GRIK3: variants seen among roughly 807,000 people sequenced by gnomAD.
The protein encoded by GRIK3 is glutamate ionotropic receptor kainate type subunit 3, also known as glutamate receptor ionotropic, kainate 3.
GRIK3 carries 29 observed loss-of-function variants against 102.5 expected under a neutral mutation model. The observed-to-expected ratio is 0.28, with a 90% CI of 0.21 to 0.39. GRIK3 has a LOEUF of 0.39. Ranked by LOEUF, GRIK3 falls within the 10% of genes least tolerant of loss-of-function variation. GRIK3 has a pLI of 1.00. For synonymous variants in GRIK3, 511 were observed against 504.9 expected (o/e 1.01, Z -0.16); for missense variants, 908 against 1,252.4 (o/e 0.73, Z 4.15).
chr1:36,953,160 GACA>G (rs1468861723), intron 1 of GRIK3, among the ~76,000 whole-genome samples: 1 of 152,148 alleles, frequency 6.6e-6, no homozygotes, highest in African/African-American at 2.4e-5. Flanking sequence ...TAGCACTGAG[GACA>G]ACGTGTGGAC....
chr1:36,903,461 T>G (rs1441550202), intron 1 of GRIK3, among the ~76,000 whole-genome samples: 1 of 152,246 alleles, frequency 6.6e-6, no homozygotes, highest in Non-Finnish European at 1.5e-5. Flanking sequence ...GCAATGGCAC[T>G]CCTTCGTATT....
chr1:37,025,153 T>C (rs1393433685), intron 1 of GRIK3, among the ~76,000 whole-genome samples: 1 of 152,172 alleles, frequency 6.6e-6, no homozygotes, highest in African/African-American at 2.4e-5. Flanking sequence ...AAGATTAGCA[T>C]GGGCAAAACA....
At chr1:36,839,754 C>T (rs987208078) in intron 10 of GRIK3, among the ~76,000 whole-genome samples, 5 of 152,134 alleles carry the variant, frequency 3.3e-5, no homozygotes, top group Admixed American at 2.0e-4. Context: ...AAACTGAGCT[C>T]GAGTTCATGC....
In GRIK3 at chr1:36,795,654, C is replaced by T. The variant is rs545352544; in HGVS notation, c.*6197G>A. ...TCAGATTTGTTTGGAAATTTATTTA[C>T]ATCAGCCTAGAATGATTGGCAAGTA... On this transcript the variant is annotated 3_prime_UTR_variant, in exon 16 of 16. Transcript: ENST00000373091. The T allele has an allele frequency of 1.3e-5, 2 of 152,350 alleles. No homozygotes were observed. The highest frequency in any genetic ancestry group is 4.8e-5 in the African/African-American group (2 of 41,574). 9.4% of individuals were successfully genotyped at this position (152,350 alleles called of 1,614,324 possible).
rs540397946 is a variant in GRIK3, at chr1:36,975,395, A to C, written c.115+58599T>G. ...CTGCAACCTCCACCTCCTGGGCTTA[A>C]GTGATTCTCCTGCCTCAGCTTCTTG... On this transcript the variant is annotated intron_variant, in intron 1 of 15. Transcript: ENST00000373091. Among the ~76,000 whole-genome samples, 1,306 of 149,668 alleles carry C rather than the reference A, an allele frequency of 8.7e-3. 20 individuals carry two copies. The highest frequency in any genetic ancestry group is 0.031 in the African/African-American group (1,235 of 40,196).
At chr1:36,890,087 C>T (rs1199009200) in intron 2 of GRIK3, among the ~76,000 whole-genome samples, 1 of 152,080 alleles carries the variant, frequency 6.6e-6, no homozygotes, top group Non-Finnish European at 1.5e-5. Context: ...GGTGAAGGAT[C>T]ACTCTTCGGA....
chr1:37,004,603 T>C (rs1000067915), intron 1 of GRIK3, among the ~76,000 whole-genome samples: 2 of 152,166 alleles, frequency 1.3e-5, no homozygotes, highest in African/African-American at 2.4e-5. Context: ...ACGGGGACCA[T>C]GGCAGGGAGG....
intron 5 of GRIK3, among the ~76,000 whole-genome samples, chr1:36,864,649 CT>C (rs1386093515): frequency 6.6e-6 from 1 of 152,198 alleles, no homozygotes; most frequent in African/African-American, 2.4e-5. Flanking sequence ...GACACAGAGG[CT>C]GCAGCTGATC....
chr1:36,854,898 G>A (rs556303965), intron 7 of GRIK3, among the ~76,000 whole-genome samples: 51 of 152,264 alleles, frequency 3.3e-4, no homozygotes, highest in South Asian at 2.1e-3. Flanking sequence ...GCCATGGGTC[G>A]CCCAAGCTCA....
intron 1 of GRIK3, among the ~76,000 whole-genome samples, chr1:36,969,185 G>A (rs1234828063): frequency 1.3e-5 from 2 of 152,162 alleles, no homozygotes; most frequent in South Asian, 2.1e-4. Context: ...GCTGAGCAGG[G>A]CCCCACCAAT....
At chr1:36,996,428 TGGTCA>T (rs1642420328) in intron 1 of GRIK3, among the ~76,000 whole-genome samples, 1 of 152,202 alleles carries the variant, frequency 6.6e-6, no homozygotes, top group Admixed American at 6.5e-5. Context: ...TGGCCCACTC[TGGTCA>T]GGACAAATGG....
chr1:36,912,775 C>T (rs138326663), intron 1 of GRIK3, among the ~76,000 whole-genome samples: 8 of 152,260 alleles, frequency 5.3e-5, no homozygotes, highest in African/African-American at 1.9e-4. Context: ...TCCTTCCCTC[C>T]CCCAGTGCCT....
intron 10 of GRIK3, among the ~76,000 whole-genome samples, chr1:36,838,029 C>T (rs1223588507): frequency 1.3e-5 from 2 of 152,234 alleles, no homozygotes; most frequent in Non-Finnish European, 2.9e-5. Flanking sequence ...GCCACCCTCC[C>T]ACCACCATCA....
At chr1:36,984,578 T>A (rs921029024) in intron 1 of GRIK3, among the ~76,000 whole-genome samples, 55 of 152,146 alleles carry the variant, frequency 3.6e-4, no homozygotes, top group African/African-American at 1.3e-3. Context: ...CAGCGAGGTG[T>A]CTTTGGGGCA....
chr1:37,004,819 T>C (rs1642514894), intron 1 of GRIK3, among the ~76,000 whole-genome samples: 1 of 152,202 alleles, frequency 6.6e-6, no homozygotes, highest in African/African-American at 2.4e-5. Flanking sequence ...TAACTTGACT[T>C]CCTCATCCCT....
chr1:36,803,431 A>T (rs1034766937), intron 15 of GRIK3, among the ~76,000 whole-genome samples: 4 of 151,734 alleles, frequency 2.6e-5, no homozygotes, highest in African/African-American at 9.7e-5. Flanking sequence ...TCATTTTTTT[A>T]TTATTTATTA....
chr1:37,028,656 G>A (rs978108730), intron 1 of GRIK3, among the ~76,000 whole-genome samples: 1 of 152,156 alleles, frequency 6.6e-6, no homozygotes, highest in Non-Finnish European at 1.5e-5. Flanking sequence ...GGGGGTAGGG[G>A]CACCGCATTC....
rs1465087355 is a variant in GRIK3, at chr1:36,801,735, A to T, written c.*116T>A. 1 of 843,068 alleles carries T rather than the reference A, an allele frequency of 1.2e-6. No individual in the cohort carries two copies. The highest frequency in any genetic ancestry group is 1.7e-5 in the African/African-American group (1 of 58,242). The allele number at this position is 843,068 out of a possible 1,614,324, so 52.2% of individuals were successfully genotyped here. ...AAGGGCAGGAGGCTCCTGGCCCAACAGGCAGGTGGCAGCTCTGGTCCCCAA... is the reference window on the plus strand; with the variant it reads ...AAGGGCAGGAGGCTCCTGGCCCAACTGGCAGGTGGCAGCTCTGGTCCCCAA... On this transcript the variant is annotated 3_prime_UTR_variant, in exon 16 of 16. Coordinates refer to ENST00000373091, the MANE Select transcript of GRIK3 (RefSeq NM_000831.4).
At chr1:36,868,442 G>C (rs578119858) in intron 5 of GRIK3, among the ~76,000 whole-genome samples, 6 of 152,310 alleles carry the variant, frequency 3.9e-5, no homozygotes, top group South Asian at 2.1e-4. Context: ...AGAATCGCAG[G>C]GTGGCTCCTG....
Sources: gnomAD v4.1 joint callset for allele counts (sites outside exome capture counted in the v4.1 genomes callset) on GRCh38, gnomAD v4.1.1 for gene constraint, MANE v1.5 for transcripts, NCBI Gene and HGNC (gene_info 2026-07-23, HGNC 2026-07-21) for gene names.